MEGF8: variants seen among roughly 807,000 people sequenced by gnomAD.
MEGF8 encodes the protein multiple epidermal growth factor-like domains protein 8.
A neutral mutation model predicts 302.9 loss-of-function variants in MEGF8; 156 were observed. The observed-to-expected ratio is 0.52, with a 90% CI of 0.45 to 0.59. MEGF8 has a LOEUF of 0.59. MEGF8 is among the 20% of genes least tolerant of loss of function. MEGF8 has a pLI of 0.00. For missense variants in MEGF8, 3,345 were observed against 3,964.5 expected, an observed-to-expected ratio of 0.84 and a Z score of 4.20; for synonymous variants, 1,621 against 1,660.5, an observed-to-expected ratio of 0.98 and a Z score of 0.58.
chr19:42,344,913 C>T lies in MEGF8; in HGVS notation c.2097+80C>T. 2 of 1,391,396 alleles carry T rather than the reference C, an allele frequency of 1.4e-6. No individual in the cohort carries two copies. Among genetic ancestry groups the T allele is most frequent in the Non-Finnish European group, 1.9e-6 (2 of 1,038,182 alleles). 86.2% of individuals were successfully genotyped at this position (1,391,396 alleles called of 1,614,324 possible). On this transcript the variant is annotated intron_variant, in intron 12 of 41. Coordinates refer to ENST00000251268, the MANE Select transcript of MEGF8 (RefSeq NM_001271938.2). The surrounding 1 kb of genome is among the most constrained non-coding windows in gnomAD (Gnocchi z 4.5). ...TGTTTTTTCTCAAATGCATCTTTAT[C>T]ACTCTTATGTTTACTCCAAAACTCT...
rs1363056552 is a variant in MEGF8, at chr19:42,356,008, A to G, written c.4392+3A>G. ...CTGGGGCAGGAACTTGTAACCAGGT[A>G]CAGGTGGGAGAGGGCAAGTCTGGTG... On this transcript the variant is annotated splice_donor_region_variant and intron_variant, in intron 24 of 41. Transcript: ENST00000251268. This position sits in a 1 kb window ranked among gnomAD's most constrained non-coding sequence, Gnocchi z 5.2. The G allele has an allele frequency of 6.2e-7, 1 of 1,610,334 alleles. No homozygotes were observed. Among genetic ancestry groups the G allele is most frequent in the Non-Finnish European group, 8.5e-7 (1 of 1,177,392 alleles).
chr19:42,376,101 C>T lies in MEGF8; in HGVS notation c.7864C>T (p.Pro2622Ser), dbSNP rs1198714245. 1 of 1,606,584 alleles carries T rather than the reference C, an allele frequency of 6.2e-7. No individual in the cohort carries two copies. The highest frequency in any genetic ancestry group is 8.5e-7 in the Non-Finnish European group (1 of 1,179,766). The change falls in exon 42 of 42, where the codon CCA (proline) becomes TCA (serine). Residue 2622 changes from proline (P) to serine (S), a missense_variant. Coordinates refer to ENST00000251268, the MANE Select transcript of MEGF8 (RefSeq NM_001271938.2). This position sits in a 1 kb window ranked among gnomAD's most constrained non-coding sequence, Gnocchi z 8.2. The part of the protein sequence containing the change: ...FYLLLLGVGD[P>S]SGPGANGSAD... ...CCTGCTGCTGCTGGGCGTGGGAGAC[C>T]CAAGTGGGCCCGGCGCCAACGGCTC...
chr19:42,353,032 C>G lies in MEGF8; in HGVS notation c.3455C>G (p.Pro1152Arg). ...GACCTGCCCCCTCCCACACCCGCCC[C>G]GGGTCCGCCAGCCCCCCGCTGCTCC... Reference protein sequence around the residue: ...TSDLPPPTPAPGPPAPRCSRD... With the variant: ...TSDLPPPTPARGPPAPRCSRD... Residue 1152 changes from proline to arginine, a missense_variant, in exon 20 of 42, where the codon CCG (proline) becomes CGG (arginine). Coordinates refer to ENST00000251268, the MANE Select transcript of MEGF8 (RefSeq NM_001271938.2). The surrounding 1 kb of genome is among the most constrained non-coding windows in gnomAD (Gnocchi z 6.1). 6.4e-7 allele frequency: 1 copy of G among 1,556,328 alleles called. No homozygotes were observed. Among genetic ancestry groups the G allele is most frequent in the Non-Finnish European group, 8.7e-7 (1 of 1,150,514 alleles).
intron 1 of MEGF8, among the ~76,000 whole-genome samples, chr19:42,331,981 C>T (rs2039061473): frequency 6.6e-6 from 1 of 151,722 alleles, no homozygotes; most frequent in South Asian, 2.1e-4. Context: ...GCCTCAGCCT[C>T]CTGAGTAGCT....
At position 42,351,495 on chromosome 19, in the gene MEGF8, C is replaced by A; in HGVS notation, c.2922C>A (p.Thr974=). The part of the protein sequence containing the change: ...SQCAWCQSTH[T]CFLFAAYLAR... ...GCGCCTGGTGCCAGTCCACCCACAC[C>A]TGCTTCCTGTTTGCTGCCTACTTGG... Residue 974 remains threonine (T), a synonymous_variant, in exon 17 of 42, where the codon ACC becomes ACA. Transcript: ENST00000251268. The surrounding 1 kb of genome is among the most constrained non-coding windows in gnomAD (Gnocchi z 5.6). 6.2e-7 allele frequency: 1 copy of A among 1,606,514 alleles called. No individual in the cohort carries two copies. Among genetic ancestry groups the A allele is most frequent in the East Asian group, 2.2e-5 (1 of 44,496 alleles).
Position 42,354,103 on chromosome 19 carries a change from G to T in MEGF8, c.4011+79G>T, listed in dbSNP as rs2039417474. On this transcript the variant is annotated intron_variant, in intron 22 of 41. Transcript: ENST00000251268. This position sits in a 1 kb window ranked among gnomAD's most constrained non-coding sequence, Gnocchi z 4.3. ...GACCCAGCCTGCATCCTCAGACCCT[G>T]ACCCTAGTATTGCTGTTTTTTTTTT... 2.1e-6 allele frequency: 3 copies of T among 1,447,088 alleles called. No individual in the cohort carries two copies. In the South Asian group the frequency reaches 4.0e-5, roughly 19 times the overall value. The allele number at this position is 1,447,088 out of a possible 1,614,324, so 89.6% of individuals were successfully genotyped here.
rs762656952 is a variant in MEGF8, at chr19:42,358,047, G to A, written c.5012-97G>A. ...CTCCCAGGCCTCCAGTCTCAGGGCCGGGGAAGGGAGTGGTCACCGAACAGG... is the reference window on the plus strand; with the variant it reads ...CTCCCAGGCCTCCAGTCTCAGGGCCAGGGAAGGGAGTGGTCACCGAACAGG... On this transcript the variant is annotated intron_variant, in intron 28 of 41. Transcript: ENST00000251268. The surrounding 1 kb of genome is among the most constrained non-coding windows in gnomAD (Gnocchi z 4.4). The A allele has an allele frequency of 3.5e-5, 43 of 1,233,494 alleles. No individual in the cohort carries two copies. Among genetic ancestry groups the A allele is most frequent in the South Asian group, 5.4e-5 (3 of 55,948 alleles). The allele number at this position is 1,233,494 out of a possible 1,614,324, so 76.4% of individuals were successfully genotyped here.
Position 42,334,141 on chromosome 19 carries a change from G to T in MEGF8, c.486G>T (p.Pro162=). The stretch of plus-strand genomic sequence containing the variant: ...CACCGGGTGTGTGTGCCTGCGAGCC[G>T]GGCTGGGGGGGTCCTGACTGTGGCC... ...CQPPGVCACE[P]GWGGPDCGLQ... The change falls in exon 3 of 42, where the codon CCG becomes CCT. Residue 162 remains proline (P), a synonymous_variant. Transcript: ENST00000251268. 1.2e-6 allele frequency: 2 copies of T among 1,611,732 alleles called. No individual in the cohort carries two copies. Among genetic ancestry groups the T allele is most frequent in the Non-Finnish European group, 1.7e-6 (2 of 1,179,696 alleles).
chr19:42,337,166 GGTGT>G lies in MEGF8; in HGVS notation c.1474_1477del (p.Val492GlnfsTer25). ...TCTACCACCTTGGCTGCCATCAATG[GGTGT>G]CAGGAGCTGAGCTTGCCCCGCCAGG... On this transcript the variant is annotated frameshift_variant, in exon 8 of 42. Coordinates refer to ENST00000251268, the MANE Select transcript of MEGF8 (RefSeq NM_001271938.2). LOFTEE classifies it high-confidence loss of function. 1 of 1,614,004 alleles carries G rather than the reference GGTGT, an allele frequency of 6.2e-7. No individual in the cohort carries two copies. The highest frequency in any genetic ancestry group is 8.5e-7 in the Non-Finnish European group (1 of 1,179,894).
chr19:42,337,047 T>C (rs1188388996), intron 7 of MEGF8, 37 bp from the exon 8 acceptor site: 1 of 1,613,224 alleles, frequency 6.2e-7, no homozygotes, highest in East Asian at 2.2e-5. Flanking sequence ...CCACCTCCCC[T>C]AGGCTTGCCA....
At chr19:42,347,844 C>T (rs2039312814) in intron 12 of MEGF8, among the ~76,000 whole-genome samples, 1 of 152,074 alleles carries the variant, frequency 6.6e-6, no homozygotes, top group Non-Finnish European at 1.5e-5. Context: ...AATAGCCTCC[C>T]ACTGGTGAAC....
At chr19:42,337,034 C>T in intron 7 of MEGF8, 50 bp from the exon 8 acceptor site, 1 of 1,612,584 alleles carries the variant, frequency 6.2e-7, no homozygotes. Flanking sequence ...CAGGGGAGTC[C>T]CCCCACCTCC....
chr19:42,345,184 C>T (rs999357795), intron 12 of MEGF8, among the ~76,000 whole-genome samples: 1 of 152,140 alleles, frequency 6.6e-6, no homozygotes, highest in African/African-American at 2.4e-5. Flanking sequence ...GTTGGTCAGG[C>T]TGGTCTTGAG....
intron 8 of MEGF8, among the ~76,000 whole-genome samples, chr19:42,342,443 C>T (rs2039227696): frequency 6.6e-6 from 1 of 152,118 alleles, no homozygotes; most frequent in African/African-American, 2.4e-5. Flanking sequence ...TCGAGACTGT[C>T]CTGGCTAACA....
In MEGF8 at chr19:42,356,790, C is replaced by A. The variant is rs778503199; in HGVS notation, c.4639C>A (p.Arg1547=). 1 of 1,551,254 alleles carries A rather than the reference C, an allele frequency of 6.4e-7. No homozygotes were observed. Among genetic ancestry groups the A allele is most frequent in the East Asian group, 2.4e-5 (1 of 41,178 alleles). Residue 1547 remains arginine (R), a synonymous_variant, in exon 27 of 42, where the codon CGG becomes AGG. Coordinates refer to ENST00000251268, the MANE Select transcript of MEGF8 (RefSeq NM_001271938.2). The surrounding 1 kb of genome is among the most constrained non-coding windows in gnomAD (Gnocchi z 5.2). ...GNLYRYSVSE[R]RWTQMLAGAE... ...TGGCCCCAGGTACTCAGTGAGTGAGCGGCGGTGGACACAGATGCTGGCGGG... is the reference window on the plus strand; with the variant it reads ...TGGCCCCAGGTACTCAGTGAGTGAGAGGCGGTGGACACAGATGCTGGCGGG...
chr19:42,373,173 A>T (rs1299976949), intron 41 of MEGF8, among the ~76,000 whole-genome samples: 1 of 147,646 alleles, frequency 6.8e-6, no homozygotes, highest in East Asian at 2.0e-4. Flanking sequence ...GCTCACTGCA[A>T]CCTCCGCCTC....
intron 13 of MEGF8, among the ~76,000 whole-genome samples, chr19:42,349,034 G>A (rs560208980): frequency 1.3e-5 from 2 of 152,162 alleles, no homozygotes; most frequent in African/African-American, 2.4e-5. Flanking sequence ...GCATGGAGGT[G>A]TACACCTGTA....
chr19:42,334,733 C>T (rs542119368), intron 3 of MEGF8, among the ~76,000 whole-genome samples: 276 of 152,308 alleles, frequency 1.8e-3, no homozygotes, highest in African/African-American at 6.5e-3. Context: ...TCCTTTTTCT[C>T]TGTGCATCTT....
At chr19:42,329,779 G>A (rs1290606361) in intron 1 of MEGF8, among the ~76,000 whole-genome samples, 1 of 151,898 alleles carries the variant, frequency 6.6e-6, no homozygotes, top group African/African-American at 2.4e-5. Context: ...GGCTGAGGTG[G>A]GCAGATCCCT....
Sources: allele counts gnomAD v4.1 joint callset (sites outside exome capture counted in the v4.1 genomes callset), GRCh38; gene constraint gnomAD v4.1.1; non-coding constraint Gnocchi (gnomAD v3.1); transcripts MANE v1.5; gene names NCBI Gene and HGNC (gene_info 2026-07-23, HGNC 2026-07-21).